Variants in SLC16A3 observed in about 807,000 individuals in gnomAD.
SLC16A3 encodes the protein solute carrier family 16 member 3.
Under a neutral mutation model 25.0 loss-of-function variants are expected in SLC16A3, and 22 were observed. That is an observed-to-expected ratio of 0.88 (90% confidence interval 0.63 to 1.26). The LOEUF is 1.26. Ranked by LOEUF, SLC16A3 falls within the 50% of genes most tolerant of loss-of-function variation. The pLI, the probability that SLC16A3 is intolerant of heterozygous loss-of-function variation, is 0.00. For missense variants in SLC16A3, 731 were observed against 666.6 expected (o/e 1.10, Z -1.06); for synonymous variants, 390 against 309.2 (o/e 1.26, Z -2.74).
rs993103684 is a variant in SLC16A3 at position 82,239,387 on chromosome 17, G to A, written c.*411G>A. ...GCCCGTCCTACCCTGGGCTCACATGGGGCCTGTGCCCACCCCTCTTGAGTG... is the reference window on the plus strand; with the variant it reads ...GCCCGTCCTACCCTGGGCTCACATGAGGCCTGTGCCCACCCCTCTTGAGTG... On this transcript the variant is annotated 3_prime_UTR_variant, in exon 5 of 5. Coordinates refer to ENST00000582743, the MANE Select transcript of SLC16A3 (RefSeq NM_004207.4). 9 of 183,402 alleles carry A rather than the reference G, an allele frequency of 4.9e-5. No homozygotes were observed. Among genetic ancestry groups the A allele is most frequent in the Admixed American group, 6.2e-5 (1 of 16,116 alleles). 11.4% of individuals were successfully genotyped at this position (183,402 alleles called of 1,614,324 possible).
chr17:82,236,398 G>C (rs938060147), intron 2 of SLC16A3, 167 bp downstream of exon 2: 1 of 696,080 alleles, frequency 1.4e-6, no homozygotes, highest in African/African-American at 1.8e-5. Flanking sequence ...GCTCTCCACG[G>C]GGCCAACCCA....
Position 82,236,040 on chromosome 17 carries a change from C to T in SLC16A3, c.32C>T (p.Thr11Ile). Residue 11 changes from threonine (T) to isoleucine (I), a missense_variant, in exon 2 of 5, where the codon ACA (threonine) becomes ATA (isoleucine). Thr to Ile is a moderately conservative substitution (Grantham distance 89). Transcript: ENST00000582743. MGGAVVDEGP[T>I]GVKAPDGGWG... ...GGGGCCGTGGTGGACGAGGGCCCCA[C>T]AGGCGTCAAGGCCCCTGACGGCGGC... 6.2e-7 allele frequency: 1 copy of T among 1,612,532 alleles called. No individual in the cohort carries two copies.
chr17:82,239,277 T>A lies in SLC16A3; in HGVS notation c.*301T>A, dbSNP rs534246347. The A allele has an allele frequency of 4.0e-4, 57 of 140,864 alleles. No homozygotes were observed. Among genetic ancestry groups the A allele is most frequent in the African/African-American group, 1.5e-3 (53 of 35,206 alleles). The allele number at this position is 140,864 out of a possible 1,614,324, so 8.7% of individuals were successfully genotyped here. A position where few individuals can be genotyped will look rare whatever the true frequency, so the allele number is the denominator to read the frequency against. On this transcript the variant is annotated 3_prime_UTR_variant, in exon 5 of 5. Transcript: ENST00000582743. Reference sequence around the variant, plus strand: ...CTATGCTCAAGGACCTGGAAACCCATGCTTCGAGACAACGTGACTTTAATG... The same window carrying A: ...CTATGCTCAAGGACCTGGAAACCCAAGCTTCGAGACAACGTGACTTTAATG...
At chr17:82,223,391 A>G (rs1208085096) in intron 1 of SLC16A3, among the ~76,000 whole-genome samples, 1 of 151,974 alleles carries the variant, frequency 6.6e-6, no homozygotes, top group Non-Finnish European at 1.5e-5. Flanking sequence ...TGGTCACCCT[A>G]TTGGCCAGGC....
chr17:82,238,928 G>A lies in SLC16A3; in HGVS notation c.1350G>A (p.Glu450=), dbSNP rs753731784. Residue 450 remains glutamate, a synonymous_variant, in exon 5 of 5, where the codon GAG becomes GAA. Transcript: ENST00000582743. The part of the protein sequence containing the change: ...LREVEHFLKA[E]PEKNGEVVHT... ...AGGTGGAGCATTTCCTGAAGGCTGA[G>A]CCTGAGAAAAACGGGGAGGTGGTTC... is the stretch of plus-strand genomic sequence containing the variant. 1 of 1,575,034 alleles carries A rather than the reference G, an allele frequency of 6.3e-7. No individual in the cohort carries two copies. Among genetic ancestry groups the A allele is most frequent in the South Asian group, 1.1e-5 (1 of 87,046 alleles).
chr17:82,232,691 C>T (rs36034727), intron 1 of SLC16A3, among the ~76,000 whole-genome samples: 104,580 of 152,056 alleles, frequency 0.69, 36,685 homozygotes, highest in East Asian at 0.93. Context: ...GAACTGCCTG[C>T]AGGAGCCCCT....
chr17:82,220,743 A>C (rs879849199), intron 1 of SLC16A3, among the ~76,000 whole-genome samples: 1 of 152,234 alleles, frequency 6.6e-6, no homozygotes, highest in Non-Finnish European at 1.5e-5. Flanking sequence ...GTATCAATGC[A>C]AAATAGATCA....
At chr17:82,238,021 A>G in intron 4 of SLC16A3, 128 bp downstream of exon 4, 1 of 1,085,576 alleles carries the variant, frequency 9.2e-7, no homozygotes, top group Non-Finnish European at 1.3e-6. Context: ...GAGGGGGTGC[A>G]CTGTGCTGGA....
chr17:82,232,899 C>T (rs2050520957), intron 1 of SLC16A3, among the ~76,000 whole-genome samples: 1 of 107,694 alleles, frequency 9.3e-6, no homozygotes, highest in African/African-American at 3.7e-5. Flanking sequence ...GGTGGGTTGG[C>T]ATGCTTCCTG....
rs1425486410 is a variant in SLC16A3 at position 82,237,351 on chromosome 17, C to T, written c.581C>T (p.Ala194Val). Residue 194 changes from alanine to valine, a missense_variant, in exon 4 of 5, where the codon GCC (alanine) becomes GTC (valine). By Grantham distance (64) the Ala-to-Val change is moderately conservative (BLOSUM62 0). Coordinates refer to ENST00000582743, the MANE Select transcript of SLC16A3 (RefSeq NM_004207.4). ...CTGCTGCTCAACTGCTGCGTGTGTG[C>T]CGCACTCATGAGGCCCCTGGTGGTC... Reference protein sequence around the residue: ...GGLLLNCCVCAALMRPLVVTA... With the variant: ...GGLLLNCCVCVALMRPLVVTA... 6.5e-7 allele frequency: 1 copy of T among 1,538,882 alleles called. No individual in the cohort carries two copies. Among genetic ancestry groups the T allele is most frequent in the South Asian group, 1.2e-5 (1 of 82,898 alleles).
chr17:82,237,393 CG>C lies in SLC16A3; in HGVS notation c.627del (p.Pro210ArgfsTer9). The C allele has an allele frequency of 6.5e-7, 1 of 1,548,212 alleles. No homozygotes were observed. The highest frequency in any genetic ancestry group is 8.7e-7 in the Non-Finnish European group (1 of 1,145,916). On this transcript the variant is annotated frameshift_variant, in exon 4 of 5. Coordinates refer to ENST00000582743, the MANE Select transcript of SLC16A3 (RefSeq NM_004207.4). LOFTEE classifies it high-confidence loss of function. ...CTGGTGGTCACGGCCCAGCCGGGCT[CG>C]GGGCCGCCGCGACCCTCCCGGCGCC... ...RPLVVTAQPGSGPPRPSRRLL... is the reference protein window; with the variant it reads ...RPLVVTAQPGXGPPRPSRRLL...
At chr17:82,226,345 C>T (rs191008301), upstream of SLC16A3, among the ~76,000 whole-genome samples, 99 of 152,270 alleles carry the variant, frequency 6.5e-4, no homozygotes, top group African/African-American at 2.3e-3. Context: ...TGGGGTCTGA[C>T]CCAGGGCCAC....
At chr17:82,229,583 C>CT (rs1219433609) in intron 1 of SLC16A3, 1 of 152,450 alleles carries the variant, frequency 6.6e-6, no homozygotes, top group Non-Finnish European at 1.5e-5. Flanking sequence ...TCGCAACACC[C>CT]TGAACACTCC....
In SLC16A3 at chr17:82,238,885, C is replaced by G; in HGVS notation, c.1307C>G (p.Ser436Trp). 1 of 1,606,456 alleles carries G rather than the reference C, an allele frequency of 6.2e-7. No homozygotes were observed. The highest frequency in any genetic ancestry group is 8.5e-7 in the Non-Finnish European group (1 of 1,175,304). The change falls in exon 5 of 5, where the codon TCG (serine) becomes TGG (tryptophan). Residue 436 changes from serine to tryptophan, a missense_variant. Physicochemically the swap from Ser to Trp is radical, Grantham distance 177 (BLOSUM62 -3). Coordinates refer to ENST00000582743, the MANE Select transcript of SLC16A3 (RefSeq NM_004207.4). ...EEKLHKPPAD[S>W]GVDLREVEHF... is the part of the protein sequence containing the mutation. ...AAGCTCCACAAGCCTCCTGCAGACTCGGGGGTGGACTTGCGGGAGGTGGAG... is the reference window on the plus strand; with the variant it reads ...AAGCTCCACAAGCCTCCTGCAGACTGGGGGGTGGACTTGCGGGAGGTGGAG...
In SLC16A3 at chr17:82,238,988, G is replaced by A. The variant is rs770652475; in HGVS notation, c.*12G>A. 1.3e-6 allele frequency: 2 copies of A among 1,508,070 alleles called. No individual in the cohort carries two copies. The highest frequency in any genetic ancestry group is 1.8e-6 in the Non-Finnish European group (2 of 1,125,492). The allele number at this position is 1,508,070 out of a possible 1,614,324, so 93.4% of individuals were successfully genotyped here. On this transcript the variant is annotated 3_prime_UTR_variant, in exon 5 of 5. Transcript: ENST00000582743. ...AAACAAGTGTCTGAGTGGCTGGGCG[G>A]GGCCGGCAGGCACAGGGAGGAGGTA...
At position 82,238,804 on chromosome 17, in the gene SLC16A3, G is replaced by A. The variant is rs1292688877; in HGVS notation, c.1226G>A (p.Cys409Tyr). The change falls in exon 5 of 5, where the codon TGC (cysteine) becomes TAC (tyrosine). Residue 409 changes from cysteine to tyrosine, a missense_variant. By Grantham distance (194) the Cys-to-Tyr change is radical. Coordinates refer to ENST00000582743, the MANE Select transcript of SLC16A3 (RefSeq NM_004207.4). ...SLILLLGNFF[C>Y]IRKKPKEPQP... is the part of the protein sequence containing the mutation. The stretch of plus-strand genomic sequence containing the variant: ...ATTTTGCTGCTGGGCAACTTCTTCT[G>A]CATTAGGAAGAAGCCCAAAGAGCCA... 1.9e-6 allele frequency: 3 copies of A among 1,612,888 alleles called. No individual in the cohort carries two copies. The highest frequency in any genetic ancestry group is 1.3e-5 in the African/African-American group (1 of 75,066).
At chr17:82,238,612 GCTGAGACA>G (rs2050679247) in intron 4 of SLC16A3, 82 bp from the exon 5 acceptor site, 1 of 1,343,406 alleles carries the variant, frequency 7.4e-7, no homozygotes, top group African/African-American at 1.5e-5. Context: ...ACCCTTGCGT[GCTGAGACA>G]CCGAGACACA....
At position 82,237,511 on chromosome 17, in the gene SLC16A3, G is replaced by A. The variant is rs2050637090; in HGVS notation, c.741G>A (p.Val247=). Residue 247 remains valine, a synonymous_variant, in exon 4 of 5, where the codon GTG becomes GTA. Coordinates refer to ENST00000582743, the MANE Select transcript of SLC16A3 (RefSeq NM_004207.4). ...VMVLGLFVPP[V]FVVSYAKDLG... is the part of the protein sequence containing the mutation. ...TGCTGGGGCTCTTCGTCCCGCCCGT[G>A]TTCGTGGTGAGCTACGCCAAGGACC... 2 of 1,611,694 alleles carry A rather than the reference G, an allele frequency of 1.2e-6. No homozygotes were observed. The highest frequency in any genetic ancestry group is 1.1e-5 in the South Asian group (1 of 91,052).
chr17:82,236,405 C>T (rs2050602778), intron 2 of SLC16A3, 174 bp downstream of exon 2: 1 of 680,452 alleles, frequency 1.5e-6, no homozygotes. Flanking sequence ...ACGGGGCCAA[C>T]CCAGGCAGGG....
Sources: gnomAD v4.1 joint callset for allele counts (sites outside exome capture counted in the v4.1 genomes callset) on GRCh38, gnomAD v4.1.1 for gene constraint, MANE v1.5 for transcripts, NCBI Gene and HGNC (gene_info 2026-07-23, HGNC 2026-07-21) for gene names.